PCDHGA5: variants seen among roughly 807,000 people sequenced by gnomAD.
The protein encoded by PCDHGA5 is protocadherin gamma-A5.
PCDHGA5 carries 36 observed loss-of-function variants against 56.7 expected under a neutral mutation model. The ratio of observed to expected loss-of-function variants is 0.64; its 90% CI spans 0.49 to 0.84. PCDHGA5 has a LOEUF of 0.84. Ranked by LOEUF, PCDHGA5 falls within the 40% of genes least tolerant of loss-of-function variation. PCDHGA5 has a pLI of 0.00. For missense variants in PCDHGA5, 1,305 were observed against 1,201.5 expected (o/e 1.09, Z -1.27); for synonymous variants, 563 against 520.2 (o/e 1.08, Z -1.12).
intron 1 of PCDHGA5, among the ~76,000 whole-genome samples, chr5:141,463,990 G>A (rs2099073582): frequency 6.6e-6 from 1 of 151,990 alleles, no homozygotes; most frequent in Non-Finnish European, 1.5e-5. Flanking sequence ...TAAAAACCAG[G>A]TGCAGTGGCT....
intron 1 of PCDHGA5, among the ~76,000 whole-genome samples, chr5:141,460,758 C>T (rs1292050905): frequency 6.6e-6 from 1 of 150,582 alleles, no homozygotes; most frequent in African/African-American, 2.4e-5. Context: ...TGTACATATA[C>T]ATATTGCATA....
intron 1 of PCDHGA5, chr5:141,371,948 A>C (rs200505160): frequency 1.9e-6 from 3 of 1,613,136 alleles, no homozygotes; most frequent in Admixed American, 1.7e-5. Context: ...TCGCGCAGCG[A>C]GCCTTCGACC....
At chr5:141,435,925 A>G (rs978837252) in intron 1 of PCDHGA5, among the ~76,000 whole-genome samples, 16 of 152,166 alleles carry the variant, frequency 1.1e-4, no homozygotes, top group Non-Finnish European at 1.5e-5. Context: ...AAAATGCGGC[A>G]GTTGCTGCTT....
In PCDHGA5 at chr5:141,366,280, C is replaced by T. The variant is rs1764463733; in HGVS notation, c.1950C>T (p.Gly650=). Residue 650 remains glycine, a synonymous_variant, in exon 1 of 4, where the codon GGC becomes GGT. Coordinates refer to ENST00000518069, the MANE Select transcript of PCDHGA5 (RefSeq NM_018918.3). ...QSLVVAVEDH[G]QPPLSATFTV... is the part of the protein sequence containing the mutation. ...TCGTGGTGGCCGTCGAAGACCATGG[C>T]CAGCCCCCTCTGTCAGCCACCTTCA... 1 of 1,613,692 alleles carries T rather than the reference C, an allele frequency of 6.2e-7. No homozygotes were observed. Among genetic ancestry groups the T allele is most frequent in the African/African-American group, 1.3e-5 (1 of 75,086 alleles).
chr5:141,422,901 C>T (rs768086403), intron 1 of PCDHGA5: 5 of 1,614,276 alleles, frequency 3.1e-6, no homozygotes, highest in Non-Finnish European at 4.2e-6. Context: ...ACCAGAACGA[C>T]AATGCGCCCG....
intron 1 of PCDHGA5, chr5:141,413,901 C>T (rs375828969): frequency 1.5e-5 from 24 of 1,613,244 alleles, no homozygotes; most frequent in African/African-American, 1.1e-4. Context: ...CAAATGACAA[C>T]GCGCCGGTCT....
chr5:141,393,934 A>G, intron 1 of PCDHGA5: 3 of 1,613,984 alleles, frequency 1.9e-6, no homozygotes, highest in Non-Finnish European at 2.5e-6. Context: ...GTGCATGACC[A>G]AGACTCTGGA....
chr5:141,423,323 C>A (rs200492485), intron 1 of PCDHGA5: 91 of 1,614,146 alleles, frequency 5.6e-5, no homozygotes, highest in Non-Finnish European at 4.2e-6. Flanking sequence ...GTGGCGGTGG[C>A]CGCAGTCTCC....
rs756466649 is a variant in PCDHGA5, at chr5:141,495,663, G to A, written c.2480+798G>A. 1.1e-3 allele frequency among the ~76,000 whole-genome samples: 169 copies of A among 152,164 alleles called. 3 individuals are homozygous for A. The highest frequency in any genetic ancestry group is 1.9e-3 in the Admixed American group (29 of 15,272). ...TTGTCTACTTGCATTGATCTGTGCCGCCCACTGTGCCTGCCATGGCATAAG... is the reference window on the plus strand; with the variant it reads ...TTGTCTACTTGCATTGATCTGTGCCACCCACTGTGCCTGCCATGGCATAAG... On this transcript the variant is annotated intron_variant, in intron 2 of 3. Coordinates refer to ENST00000518069, the MANE Select transcript of PCDHGA5 (RefSeq NM_018918.3).
chr5:141,450,450 C>T (rs964666176), intron 1 of PCDHGA5, among the ~76,000 whole-genome samples: 5 of 151,996 alleles, frequency 3.3e-5, no homozygotes, highest in African/African-American at 9.7e-5. Context: ...TTTTATGTTT[C>T]CTCGTGATTT....
At chr5:141,388,893 G>A in intron 1 of PCDHGA5, 1 of 1,613,982 alleles carries the variant, frequency 6.2e-7, no homozygotes. Context: ...AGAAGTCATA[G>A]ATGAAAATGA....
At chr5:141,471,046 C>G (rs960750377) in intron 1 of PCDHGA5, among the ~76,000 whole-genome samples, 3 of 113,280 alleles carry the variant, frequency 2.6e-5, no homozygotes, top group African/African-American at 1.1e-4. Context: ...CCCAAGCCCT[C>G]TTTTTTTTTT....
chr5:141,423,983 C>T, intron 1 of PCDHGA5: 5 of 1,107,052 alleles, frequency 4.5e-6, no homozygotes, highest in Non-Finnish European at 5.6e-6. Context: ...GTATGAGGCT[C>T]TCAATTTATT....
rs568315403 is a variant in PCDHGA5, at chr5:141,365,414, C to G, written c.1084C>G (p.Pro362Ala). ...CAGTTCGATCTCTGAAGACTGTCTT[C>G]CCGGAACTGTAATCGCGCTGTTTAG... ...LTSSISEDCL[P>A]GTVIALFSVH... The change falls in exon 1 of 4, where the codon CCC becomes GCC. Residue 362 changes from proline (P) to alanine (A), a missense_variant. Coordinates refer to ENST00000518069, the MANE Select transcript of PCDHGA5 (RefSeq NM_018918.3). 2 of 1,613,988 alleles carry G rather than the reference C, an allele frequency of 1.2e-6. No homozygotes were observed. Among genetic ancestry groups the G allele is most frequent in the East Asian group, 2.2e-5 (1 of 44,870 alleles).
intron 1 of PCDHGA5, chr5:141,428,270 C>T (rs1353416356): frequency 1.3e-6 from 1 of 778,952 alleles, no homozygotes. Flanking sequence ...AGTCCTGTGC[C>T]CTCTGATTCC....
intron 1 of PCDHGA5, chr5:141,426,874 C>T: frequency 2.2e-6 from 1 of 456,654 alleles, no homozygotes; most frequent in Non-Finnish European, 4.4e-6. Context: ...CTGGAGAAGC[C>T]CCTGGGCCAG....
chr5:141,389,694 T>C, intron 1 of PCDHGA5: 1 of 1,612,590 alleles, frequency 6.2e-7, no homozygotes, highest in South Asian at 1.1e-5. Flanking sequence ...CTGGCTGTCC[T>C]ACCACGTGCT....
intron 1 of PCDHGA5, among the ~76,000 whole-genome samples, chr5:141,400,980 C>T (rs977355527): frequency 6.6e-6 from 1 of 152,102 alleles, no homozygotes; most frequent in African/African-American, 2.4e-5. Context: ...TCTTATGTTC[C>T]TCATATATGC....
chr5:141,364,902 A>T lies in PCDHGA5; in HGVS notation c.572A>T (p.Tyr191Phe), dbSNP rs781602444. Reference sequence around the variant, plus strand: ...GTAAGCGGAACTGATGGACAAAAGTATCCGGAGCTGGTGTTGGAACAGCCC... The same window carrying T: ...GTAAGCGGAACTGATGGACAAAAGTTTCCGGAGCTGGTGTTGGAACAGCCC... The part of the protein sequence containing the change: ...DVVSGTDGQK[Y>F]PELVLEQPLD... The change falls in exon 1 of 4, where the codon TAT (tyrosine) becomes TTT (phenylalanine). Residue 191 changes from tyrosine to phenylalanine, a missense_variant. Transcript: ENST00000518069. The T allele has an allele frequency of 5.0e-6, 8 of 1,614,032 alleles. No homozygotes were observed. Among genetic ancestry groups the T allele is most frequent in the Non-Finnish European group, 6.8e-6 (8 of 1,179,902 alleles).
Sources: gnomAD v4.1 joint callset for allele counts (sites outside exome capture counted in the v4.1 genomes callset) on GRCh38, gnomAD v4.1.1 for gene constraint, MANE v1.5 for transcripts, NCBI Gene and HGNC (gene_info 2026-07-23, HGNC 2026-07-21) for gene names.